The following OSBPL9 variants were observed in gnomAD, a reference collection of about 807,000 sequenced individuals.
OSBPL9 encodes the protein oxysterol-binding protein-related protein 9.
A neutral mutation model predicts 106.6 loss-of-function variants in OSBPL9; 40 were observed. The ratio of observed to expected loss-of-function variants is 0.38; its 90% confidence interval spans 0.29 to 0.49. The LOEUF is 0.49. Ranked by LOEUF, OSBPL9 falls within the 20% of genes least tolerant of loss-of-function variation. OSBPL9 has a pLI of 0.97. For missense variants in OSBPL9, 609 were observed against 887.2 expected (o/e 0.69, Z 3.98); for synonymous variants, 269 against 295.4 (o/e 0.91, Z 0.92).
At chr1:51,558,153 G>A in the OSBPL9 span, among the ~76,000 whole-genome samples, 16 of 151,958 alleles carry the variant, frequency 1.1e-4, no homozygotes, top group Admixed American at 3.3e-4. Context: ...AGTGGCGGGC[G>A]CCTGTAGTCC....
intron 4 of OSBPL9, chr1:51,740,339 A>G: frequency 3.4e-6 from 4 of 1,161,914 alleles, no homozygotes; most frequent in African/African-American, 1.6e-5. Context: ...TTTAATCAAA[A>G]TTACATTCCT....
intron 1 of OSBPL9, among the ~76,000 whole-genome samples, chr1:51,630,231 TG>T (rs1458412979): frequency 1.3e-5 from 2 of 152,088 alleles, no homozygotes; most frequent in East Asian, 3.9e-4. Flanking sequence ...GTGGTTTTTT[TG>T]GTAAGATGCT....
chr1:51,537,418 T>C, the OSBPL9 span, among the ~76,000 whole-genome samples: 1 of 152,174 alleles, frequency 6.6e-6, no homozygotes, highest in African/African-American at 2.4e-5. Flanking sequence ...AGAGCTACTC[T>C]TTAGTGGGGA....
At chr1:51,787,548 T>A (rs1020147420) in intron 23 of OSBPL9, 60 bp downstream of exon 23, 26 of 1,608,902 alleles carry the variant, frequency 1.6e-5, no homozygotes, top group Non-Finnish European at 1.4e-5. Flanking sequence ...TCAGTGAATG[T>A]TGAAGAAGTG....
intron 1 of OSBPL9, among the ~76,000 whole-genome samples, chr1:51,622,455 AAAC>A (rs1209888396): frequency 1.3e-5 from 2 of 152,216 alleles, no homozygotes; most frequent in Non-Finnish European, 2.9e-5. Flanking sequence ...TAGCAATTTA[AAAC>A]AACAGTTTGT....
chr1:51,528,614 G>A, the OSBPL9 span, among the ~76,000 whole-genome samples: 1 of 152,036 alleles, frequency 6.6e-6, no homozygotes, highest in Non-Finnish European at 1.5e-5. Context: ...GCTCACCTCT[G>A]TAACCCCAGC....
At chr1:51,540,756 C>T in the OSBPL9 span, among the ~76,000 whole-genome samples, 21 of 151,824 alleles carry the variant, frequency 1.4e-4, no homozygotes, top group Non-Finnish European at 2.4e-4. Context: ...GTCAGGAATT[C>T]CAGACCAGCC....
At chr1:51,610,919 A>T (rs768187908) in intron 2 of OSBPL9, among the ~76,000 whole-genome samples, 34 of 152,306 alleles carry the variant, frequency 2.2e-4, no homozygotes, top group Non-Finnish European at 3.5e-4. Flanking sequence ...CAATGAGTAG[A>T]TGCAATAGGT....
At chr1:51,701,464 A>G (rs546396141) in intron 3 of OSBPL9, among the ~76,000 whole-genome samples, 184 of 152,218 alleles carry the variant, frequency 1.2e-3, no homozygotes, top group African/African-American at 4.3e-3. Flanking sequence ...CTGTATTTCT[A>G]ATTTTTTTCT....
Position 51,599,687 on chromosome 1 carries a change from G to GA in OSBPL9, c.-353+1501dup, listed in dbSNP as rs1358817481. Among the ~76,000 whole-genome samples the GA allele has an allele frequency of 4.0e-4, 61 of 151,960 alleles. 1 individual carries two copies. The highest frequency in any genetic ancestry group is 3.8e-3 in the Admixed American group (58 of 15,266). On this transcript the variant is annotated intron_variant, in intron 2 of 25. Coordinates refer to the OSBPL9 transcript ENST00000371714. ...TTATTTTCAGTTCTATTTTTCAGATGAAAAAAATCCATGTGATATTTGCAG... is the reference window on the plus strand; with the variant it reads ...TTATTTTCAGTTCTATTTTTCAGATGAAAAAAAATCCATGTGATATTTGCAG...
intron 2 of OSBPL9, among the ~76,000 whole-genome samples, chr1:51,608,343 A>C (rs146298862): frequency 0.013 from 2,010 of 152,260 alleles, 45 homozygotes; most frequent in African/African-American, 0.044. Flanking sequence ...CCCAGACTAG[A>C]GTGCAGTGGT....
At chr1:51,587,342 G>A (rs573426761) in intron 1 of OSBPL9, among the ~76,000 whole-genome samples, 1 of 152,290 alleles carries the variant, frequency 6.6e-6, no homozygotes, top group African/African-American at 2.4e-5. Flanking sequence ...TCCAGCCTGG[G>A]TGACAGAGCC....
chr1:51,677,439 A>G (rs1329497096), intron 3 of OSBPL9, among the ~76,000 whole-genome samples: 4 of 152,254 alleles, frequency 2.6e-5, no homozygotes. Context: ...TGCCTTAAGC[A>G]AATCTGATGT....
In OSBPL9 at chr1:51,786,615, C is replaced by T. The variant is rs761776239; in HGVS notation, c.1998C>T (p.Arg666=). The stretch of plus-strand genomic sequence containing the variant: ...AAGATCAGAACGAGTATGAATCCCG[C>T]AGGTAAGCCGACATTGTTAAGTGGA... The part of the protein sequence containing the change: ...KLEDQNEYES[R]SLWKDVTFNL... The change falls in exon 22 of 24, where the codon CGC becomes CGT. Residue 666 remains arginine (R), a splice_region_variant and synonymous_variant. Transcript: ENST00000428468. 2 of 1,609,480 alleles carry T rather than the reference C, an allele frequency of 1.2e-6. No homozygotes were observed. The highest frequency in any genetic ancestry group is 2.2e-5 in the East Asian group (1 of 44,802).
chr1:51,729,965 G>A lies in OSBPL9; in HGVS notation c.319-15571G>A, dbSNP rs775343011. 9 of 1,316,776 alleles carry A rather than the reference G, an allele frequency of 6.8e-6. No individual in the cohort carries two copies. In the East Asian group the frequency reaches 2.0e-4, roughly 29 times the overall value. The allele number at this position is 1,316,776 out of a possible 1,614,324, so 81.6% of individuals were successfully genotyped here. On this transcript the variant is annotated intron_variant, in intron 4 of 23. Coordinates refer to ENST00000428468, the MANE Select transcript of OSBPL9 (RefSeq NM_024586.6). The surrounding 1 kb of genome is among the most constrained non-coding windows in gnomAD (Gnocchi z 5.1). ...TCCCCTGGAGGCACAGAGGGCGGGGGCCTTGGCGAATGGCTTTCTTGCTGG... is the reference window on the plus strand; with the variant it reads ...TCCCCTGGAGGCACAGAGGGCGGGGACCTTGGCGAATGGCTTTCTTGCTGG...
rs1675208840 is a variant in OSBPL9 at position 51,776,904 on chromosome 1, G to A, written c.1242G>A (p.Pro414=). The A allele has an allele frequency of 1.9e-6, 3 of 1,609,640 alleles. No homozygotes were observed. Among genetic ancestry groups the A allele is most frequent in the African/African-American group, 1.3e-5 (1 of 74,718 alleles). ...LEMYADFFAH[P]DLFVSISDQK... Reference sequence around the variant, plus strand: ...TGTATGCAGACTTTTTTGCACATCCGGACCTGTTTGTGAGGTATTTGACTG... The same window carrying A: ...TGTATGCAGACTTTTTTGCACATCCAGACCTGTTTGTGAGGTATTTGACTG... Residue 414 remains proline (P), a synonymous_variant, in exon 15 of 24, where the codon CCG becomes CCA. Transcript: ENST00000428468.
At chr1:51,557,558 C>A in the OSBPL9 span, among the ~76,000 whole-genome samples, 2 of 152,204 alleles carry the variant, frequency 1.3e-5, no homozygotes, top group African/African-American at 4.8e-5. Flanking sequence ...TGTATCTTCT[C>A]TGTAAAAGAA....
chr1:51,663,378 T>C (rs1647594706), intron 2 of OSBPL9, among the ~76,000 whole-genome samples: 1 of 152,116 alleles, frequency 6.6e-6, no homozygotes, highest in South Asian at 2.1e-4. Flanking sequence ...TATCCATTCC[T>C]GATTCCTGCC....
intron 1 of OSBPL9, among the ~76,000 whole-genome samples, chr1:51,583,195 T>A (rs761647704): frequency 6.6e-6 from 1 of 152,114 alleles, no homozygotes; most frequent in Non-Finnish European, 1.5e-5. Flanking sequence ...GTGGCTAGCC[T>A]CTATGCCGAG....
Sources: allele counts gnomAD v4.1 joint callset (sites outside exome capture counted in the v4.1 genomes callset), GRCh38; gene constraint gnomAD v4.1.1; non-coding constraint Gnocchi (gnomAD v3.1); transcripts MANE v1.5; gene names NCBI Gene and HGNC (gene_info 2026-07-23, HGNC 2026-07-21).